ZNF536: variants seen among roughly 807,000 people sequenced by gnomAD.
ZNF536 encodes the protein zinc finger protein 536.
Under a neutral mutation model 84.5 loss-of-function variants are expected in ZNF536, and 13 were observed. The observed-to-expected ratio is 0.15, with a 90% confidence interval of 0.10 to 0.24. The LOEUF is 0.24. Ranked by LOEUF, ZNF536 falls within the 10% of genes least tolerant of loss-of-function variation. The pLI, the probability that ZNF536 is intolerant of heterozygous loss-of-function variation, is 1.00. For missense variants in ZNF536, 1,536 were observed against 1,747.5 expected (o/e 0.88, Z 2.16); for synonymous variants, 811 against 742.5 (o/e 1.09, Z -1.50).
At chr19:30,482,085 T>A (rs1431082009) in intron 2 of ZNF536, among the ~76,000 whole-genome samples, 1 of 152,240 alleles carries the variant, frequency 6.6e-6, no homozygotes, top group Admixed American at 6.5e-5. Context: ...TTAGGTTGAT[T>A]CCATATCTTT....
chr19:30,369,970 G>C (rs1302606061), upstream of ZNF536, among the ~76,000 whole-genome samples: 1 of 152,160 alleles, frequency 6.6e-6, no homozygotes, highest in Admixed American at 6.5e-5. Context: ...TGTCCACAGT[G>C]GGGGGATGGC....
At chr19:30,629,692 C>T (rs537568916) in intron 1 of ZNF536, among the ~76,000 whole-genome samples, 2 of 152,334 alleles carry the variant, frequency 1.3e-5, no homozygotes, top group South Asian at 4.1e-4. Flanking sequence ...CCTCAGTCCT[C>T]ATAGGCTTTG....
intron 1 of ZNF536, among the ~76,000 whole-genome samples, chr19:30,693,373 T>C (rs558455348): frequency 2.0e-5 from 3 of 152,228 alleles, no homozygotes; most frequent in African/African-American, 2.4e-5. Context: ...CCATTTGTTT[T>C]GGTTTACGTG....
At chr19:30,411,297 A>G (rs1348541323) in intron 1 of ZNF536, among the ~76,000 whole-genome samples, 1 of 152,224 alleles carries the variant, frequency 6.6e-6, no homozygotes, top group African/African-American at 2.4e-5. Flanking sequence ...AACCTGTACC[A>G]ACAATATATA....
rs77708627 is a variant in ZNF536, at chr19:30,458,198, C to T, written c.2170+12466C>T. 1.4e-3 allele frequency among the ~76,000 whole-genome samples: 219 copies of T among 152,264 alleles called. 3 individuals are homozygous for T. Among genetic ancestry groups the T allele is most frequent in the African/African-American group, 5.2e-3 (216 of 41,546 alleles). ...ATCCTGCTGGACTATTTGGGCAGCT[C>T]GCTTTCCTTCTCTGGGCTTTGGCTT... On this transcript the variant is annotated intron_variant, in intron 2 of 4. Transcript: ENST00000355537.
intron 3 of ZNF536, among the ~76,000 whole-genome samples, chr19:30,545,923 T>A (rs968956899): frequency 3.3e-5 from 5 of 152,220 alleles, no homozygotes; most frequent in African/African-American, 1.2e-4. Context: ...AAACACAGCC[T>A]GAGTCCCACC....
rs74378245 is a variant in ZNF536, at chr19:30,358,441, G to A, written c.-3+5957G>A. On this transcript the variant is annotated intron_variant, in intron 3 of 5. Transcript: ENST00000585628. ...AACTGAGGCTCCAGCTTGTGTCTGG[G>A]TGGTGGGGTTTGTGTCTTCTCCATC... is the stretch of plus-strand genomic sequence containing the variant. Among the ~76,000 whole-genome samples the A allele has an allele frequency of 3.1e-4, 47 of 152,328 alleles. No individual in the cohort carries two copies. The East Asian group carries it at 8.1e-3, about 26-fold the overall frequency.
At chr19:30,684,113 A>G (rs1298653212) in intron 1 of ZNF536, among the ~76,000 whole-genome samples, 5 of 152,136 alleles carry the variant, frequency 3.3e-5, no homozygotes, top group African/African-American at 1.2e-4. Flanking sequence ...ACAATGACTC[A>G]CATGTACACA....
In ZNF536 at chr19:30,445,806, G is replaced by A. The variant is rs2148240415; in HGVS notation, c.2170+74G>A. 1 of 1,499,556 alleles carries A rather than the reference G, an allele frequency of 6.7e-7. No individual in the cohort carries two copies. Among genetic ancestry groups the A allele is most frequent in the Non-Finnish European group, 8.9e-7 (1 of 1,125,500 alleles). 92.9% of individuals were successfully genotyped at this position (1,499,556 alleles called of 1,614,324 possible). On this transcript the variant is annotated intron_variant, in intron 2 of 4. Transcript: ENST00000355537. The surrounding 1 kb of genome is among the most constrained non-coding windows in gnomAD (Gnocchi z 4.5). ...TCAGGGCTGCCTGGTTCTGCTCCCAGGCCTCCAGTCAGTTCCAAGGCCAGT... is the reference window on the plus strand; with the variant it reads ...TCAGGGCTGCCTGGTTCTGCTCCCAAGCCTCCAGTCAGTTCCAAGGCCAGT...
downstream of ZNF536, among the ~76,000 whole-genome samples, chr19:30,561,627 C>A (rs560494747): frequency 1.3e-5 from 2 of 152,270 alleles, no homozygotes; most frequent in East Asian, 3.9e-4. Context: ...TACTGCAGGA[C>A]CATGGGGGCT....
rs1483889874 is a variant in ZNF536 at position 30,606,493 on chromosome 19, G to A, written c.169+56979G>A. On this transcript the variant is annotated intron_variant, in intron 1 of 1. Coordinates refer to the ZNF536 transcript ENST00000592773. ...ATGGAGTGCAGATTTAGTTCTGAGG[G>A]CGTGGGTTGGTGCTGAGCCACCTGA... is the stretch of plus-strand genomic sequence containing the variant. 2.6e-5 allele frequency among the ~76,000 whole-genome samples: 4 copies of A among 152,060 alleles called. No homozygotes were observed. In the East Asian group the frequency reaches 7.8e-4, roughly 29 times the overall value.
At chr19:30,337,467 A>G in intron 2 of ZNF536, among the ~76,000 whole-genome samples, 1 of 152,152 alleles carries the variant, frequency 6.6e-6, no homozygotes, top group Non-Finnish European at 1.5e-5. Flanking sequence ...AGCCTTAGTG[A>G]GAAGAACACA....
intron 2 of ZNF536, among the ~76,000 whole-genome samples, chr19:30,324,417 C>T (rs551669038): frequency 6.6e-6 from 1 of 152,316 alleles, no homozygotes; most frequent in East Asian, 1.9e-4. Context: ...GGATCTCGCT[C>T]TGTTGCCCAG....
chr19:30,432,825 A>G (rs932160934), intron 1 of ZNF536, among the ~76,000 whole-genome samples: 1 of 152,152 alleles, frequency 6.6e-6, no homozygotes, highest in Admixed American at 6.5e-5. Context: ...TCTGGAGACA[A>G]GACTGTCACC....
intron 1 of ZNF536, among the ~76,000 whole-genome samples, chr19:30,283,278 G>A (rs997991214): frequency 6.6e-6 from 1 of 152,166 alleles, no homozygotes; most frequent in Non-Finnish European, 1.5e-5. Context: ...AATTGCACTG[G>A]GTGAGGAGTG....
rs2025087837 is a variant in ZNF536 at position 30,259,536 on chromosome 19, C to G, written c.-189-24536C>G. 2.0e-5 allele frequency among the ~76,000 whole-genome samples: 3 copies of G among 152,108 alleles called. 1 individual carries two copies. Among genetic ancestry groups the G allele is most frequent in the Admixed American group, 1.3e-4 (2 of 15,280 alleles). ...ATGTTTTAACAAGTCCTCTAGGTGA[C>G]TCTGATGCGTACTGAGGTGTAAGAG... On this transcript the variant is annotated intron_variant, in intron 1 of 5. Transcript: ENST00000585628.
At chr19:30,682,241 C>G (rs563821291) in intron 1 of ZNF536, among the ~76,000 whole-genome samples, 1 of 152,144 alleles carries the variant, frequency 6.6e-6, no homozygotes, top group Non-Finnish European at 1.5e-5. Context: ...GGTTTGCATA[C>G]AGCCTGTCCT....
intron 1 of ZNF536, among the ~76,000 whole-genome samples, chr19:30,386,932 C>T (rs928051275): frequency 4.6e-5 from 7 of 152,182 alleles, no homozygotes; most frequent in Non-Finnish European, 7.3e-5. Flanking sequence ...GGACTGCTTC[C>T]GAGGGCTTAT....
chr19:30,534,913 T>A lies in ZNF536; in HGVS notation c.2237T>A (p.Leu746Gln). ...CCAGCGCTGCTTCGCGACAGAAGCC[T>A]GGGCTCGGCCATGAAGGACTGCCCG... is the stretch of plus-strand genomic sequence containing the variant. ...QQPALLRDRS[L>Q]GSAMKDCPYC... Residue 746 changes from leucine to glutamine, a missense_variant, in exon 3 of 5, where the codon CTG (leucine) becomes CAG (glutamine). By Grantham distance (113) the Leu-to-Gln change is moderately radical. This residue lies in a region of ZNF536 where 148 missense variants were observed against 205.4 expected (regional missense o/e 0.72). Transcript: ENST00000355537. 6.2e-7 allele frequency: 1 copy of A among 1,613,992 alleles called. No individual in the cohort carries two copies. The highest frequency in any genetic ancestry group is 8.5e-7 in the Non-Finnish European group (1 of 1,179,914).
Sources: allele counts gnomAD v4.1 joint callset (sites outside exome capture counted in the v4.1 genomes callset), GRCh38; gene constraint gnomAD v4.1.1; regional missense constraint gnomAD v4.1.1; non-coding constraint Gnocchi (gnomAD v3.1); transcripts MANE v1.5; gene names NCBI Gene and HGNC (gene_info 2026-07-23, HGNC 2026-07-21).